THADA: variants seen among roughly 807,000 people sequenced by gnomAD.
The protein encoded by THADA is tRNA (32-2'-O)-methyltransferase regulator THADA.
A neutral mutation model predicts 219.8 loss-of-function variants in THADA; 213 were observed. The ratio of observed to expected loss-of-function variants is 0.97; its 90% CI spans 0.87 to 1.09. The LOEUF (loss-of-function observed/expected upper bound fraction) is 1.09. Ranked by LOEUF, THADA falls within the 50% of genes least tolerant of loss-of-function variation. The probability of loss-of-function intolerance (pLI) is 0.00; values close to 1 mark genes in which losing one functional copy is unlikely to be tolerated. For missense variants in THADA, 2,956 were observed against 2,311.3 expected (o/e 1.28, Z -5.72); for synonymous variants, 1,018 against 828.9 (o/e 1.23, Z -3.92).
chr2:43,400,376 TTAAG>T (rs1170268523), intron 28 of THADA, among the ~76,000 whole-genome samples: 3 of 150,688 alleles, frequency 2.0e-5, no homozygotes, highest in African/African-American at 2.4e-5. Context: ...TAATATTTAA[TTAAG>T]TAACATTCAT....
At chr2:43,293,290 T>G in intron 31 of THADA, 77 bp from the exon 32 acceptor site, 48 of 1,402,628 alleles carry the variant, frequency 3.4e-5, no homozygotes, top group African/African-American at 7.1e-5. Context: ...GAATGAAGAC[T>G]GAATCCACTG....
At chr2:43,514,705 T>C (rs1256821317) in intron 22 of THADA, among the ~76,000 whole-genome samples, 2 of 84,344 alleles carry the variant, frequency 2.4e-5, no homozygotes, top group Non-Finnish European at 4.0e-5. Flanking sequence ...ATATATAATA[T>C]ATATATAAAT....
At chr2:43,365,566 G>GACACACACACAC (rs375762944) in intron 29 of THADA, among the ~76,000 whole-genome samples, 2,013 of 143,566 alleles carry the variant, frequency 0.014, 35 homozygotes, top group Non-Finnish European at 0.02. Flanking sequence ...GCAAGACTCT[G>GACACACACACAC]ACACACACAC....
chr2:43,453,520 T>A (rs1682617151), intron 26 of THADA, among the ~76,000 whole-genome samples: 1 of 152,188 alleles, frequency 6.6e-6, no homozygotes, highest in South Asian at 2.1e-4. Context: ...AACTCTAACC[T>A]CTGGCTCCTG....
chr2:43,288,354 G>T (rs1674298303), intron 34 of THADA, among the ~76,000 whole-genome samples: 3 of 152,246 alleles, frequency 2.0e-5, no homozygotes, highest in African/African-American at 7.2e-5. Context: ...GGGGGCGGAG[G>T]CTGCAGTGAG....
intron 8 of THADA, 137 bp from the exon 9 acceptor site, chr2:43,578,744 C>G (rs530811209): frequency 1.7e-5 from 8 of 477,022 alleles, no homozygotes; most frequent in Admixed American, 7.4e-5. Flanking sequence ...TAGGTCTTAC[C>G]TAAGTTATTT....
intron 26 of THADA, among the ~76,000 whole-genome samples, chr2:43,449,430 C>G (rs1362840253): frequency 1.3e-5 from 2 of 152,078 alleles, no homozygotes; most frequent in Non-Finnish European, 2.9e-5. Flanking sequence ...CAAAACTTCC[C>G]AAGTTTGATG....
At chr2:43,584,221 G>T (rs185385588) in intron 7 of THADA, among the ~76,000 whole-genome samples, 15 of 152,068 alleles carry the variant, frequency 9.9e-5, no homozygotes, top group African/African-American at 3.4e-4. Context: ...CTTTCTTTTG[G>T]ACGCCCTGAA....
chr2:43,309,151 A>T (rs1573008262), intron 31 of THADA, among the ~76,000 whole-genome samples: 1 of 152,384 alleles, frequency 6.6e-6, no homozygotes, highest in African/African-American at 2.4e-5. Context: ...GCAATGTATA[A>T]AAGATGTGAA....
At chr2:43,470,365 G>A (rs1338934967) in intron 26 of THADA, among the ~76,000 whole-genome samples, 1 of 152,036 alleles carries the variant, frequency 6.6e-6, no homozygotes. Context: ...TATACGTAAA[G>A]ATGCTCACCA....
At chr2:43,444,416 C>T (rs377577704) in intron 26 of THADA, among the ~76,000 whole-genome samples, 8 of 152,326 alleles carry the variant, frequency 5.3e-5, no homozygotes, top group Middle Eastern at 3.4e-3. Flanking sequence ...ATAGGTGGAA[C>T]GCTGCTACTC....
chr2:43,496,007 C>T (rs1349221126), intron 25 of THADA, among the ~76,000 whole-genome samples: 1 of 152,162 alleles, frequency 6.6e-6, no homozygotes, highest in African/African-American at 2.4e-5. Flanking sequence ...CAAAGGATTC[C>T]TCTTCACAAT....
chr2:43,280,668 A>G (rs2104314592), intron 35 of THADA, among the ~76,000 whole-genome samples: 1 of 152,094 alleles, frequency 6.6e-6, no homozygotes, highest in Admixed American at 6.6e-5. Context: ...AAACAACAAC[A>G]ACAACAAAAA....
intron 26 of THADA, among the ~76,000 whole-genome samples, chr2:43,433,157 G>A (rs2104831919): frequency 6.6e-6 from 1 of 152,056 alleles, no homozygotes; most frequent in East Asian, 1.9e-4. Context: ...TAGAGGTCAA[G>A]GTTCTTTTTT....
At chr2:43,499,047 A>C in intron 24 of THADA, 92 bp from the exon 25 acceptor site, 3 of 1,287,450 alleles carry the variant, frequency 2.3e-6, no homozygotes, top group Non-Finnish European at 2.1e-6. Context: ...CAAAACAAAA[A>C]ATTTACTGAA....
At chr2:43,441,655 T>C (rs1157362193) in intron 26 of THADA, among the ~76,000 whole-genome samples, 1 of 152,188 alleles carries the variant, frequency 6.6e-6, no homozygotes. Context: ...TTCATGGTTG[T>C]ACTGAGAGAA....
rs562275314 is a variant in THADA, at chr2:43,462,738, G to A, written c.3836+22496C>T. ...TTGCGGGGATACAAAGATGAATTTG[G>A]CTTTCCGTTCTCCCTCAGTGTTGAG... On this transcript the variant is annotated intron_variant, in intron 26 of 37. Coordinates refer to ENST00000405975, the MANE Select transcript of THADA (RefSeq NM_022065.5). Among the ~76,000 whole-genome samples the A allele has an allele frequency of 1.5e-3, 224 of 152,172 alleles. 3 individuals are homozygous for A. Among genetic ancestry groups the A allele is most frequent in the Non-Finnish European group, 2.7e-3 (182 of 67,992 alleles).
chr2:43,560,262 T>C lies in THADA; in HGVS notation c.2435A>G (p.Lys812Arg), dbSNP rs1697894249. 6.2e-7 allele frequency: 1 copy of C among 1,612,568 alleles called. No individual in the cohort carries two copies. The highest frequency in any genetic ancestry group is 2.2e-5 in the East Asian group (1 of 44,768). The part of the protein sequence containing the change: ...VKILAFDLLM[K>R]LSKTAVHFQD... ...AAAATGTACAGCTGTTTTTGATAACTTCATCAGAAGATCAAATGCTAAAAT... is the reference window on the plus strand; with the variant it reads ...AAAATGTACAGCTGTTTTTGATAACCTCATCAGAAGATCAAATGCTAAAAT... The change falls in exon 16 of 38, where the codon AAG (lysine) becomes AGG (arginine). Residue 812 changes from lysine to arginine, a missense_variant. Physicochemically the swap from Lys to Arg is conservative, Grantham distance 26. Transcript: ENST00000405975.
At chr2:43,445,290 A>G (rs1320965519) in intron 26 of THADA, among the ~76,000 whole-genome samples, 1 of 152,224 alleles carries the variant, frequency 6.6e-6, no homozygotes, top group Non-Finnish European at 1.5e-5. Flanking sequence ...AGAAACAACT[A>G]ATAAAAAGAA....
Sources: allele counts gnomAD v4.1 joint callset (sites outside exome capture counted in the v4.1 genomes callset), GRCh38; gene constraint gnomAD v4.1.1; transcripts MANE v1.5; gene names NCBI Gene and HGNC (gene_info 2026-07-23, HGNC 2026-07-21).